MAGI2: variants seen among roughly 807,000 people sequenced by gnomAD.
MAGI2 encodes the protein membrane associated guanylate kinase, WW and PDZ domain containing 2.
MAGI2 carries 35 observed loss-of-function variants against 133.3 expected under a neutral mutation model. The ratio of observed to expected loss-of-function variants is 0.26; its 90% CI spans 0.20 to 0.35. MAGI2 has a LOEUF of 0.35. MAGI2 is among the 10% of genes least tolerant of loss of function. MAGI2 has a pLI of 1.00. For missense variants in MAGI2, 1,636 were observed against 1,863.4 expected, an observed-to-expected ratio of 0.88 and a Z score of 2.25; for synonymous variants, 729 against 710.6, an observed-to-expected ratio of 1.03 and a Z score of -0.41.
chr7:79,171,770 A>ATATATATTT, intron 1 of MAGI2, among the ~76,000 whole-genome samples: 25 of 31,220 alleles, frequency 8.0e-4, no homozygotes, highest in African/African-American at 1.5e-3. Context: ...ATATATATAT[A>ATATATATTT]TTTTTTTTTT....
chr7:78,673,706 G>C (rs931773048), intron 2 of MAGI2, among the ~76,000 whole-genome samples: 3 of 152,038 alleles, frequency 2.0e-5, no homozygotes, highest in Admixed American at 6.6e-5. Flanking sequence ...CGGCGGGGAG[G>C]GGGGCAGGCG....
chr7:78,666,673 A>G (rs1213086374), intron 2 of MAGI2, among the ~76,000 whole-genome samples: 1 of 152,216 alleles, frequency 6.6e-6, no homozygotes, highest in African/African-American at 2.4e-5. Flanking sequence ...CATCCAAAGT[A>G]TGAGGGAACT....
intron 3 of MAGI2, among the ~76,000 whole-genome samples, chr7:78,581,928 G>C (rs1584730310): frequency 6.6e-6 from 1 of 152,274 alleles, no homozygotes; most frequent in East Asian, 1.9e-4. Flanking sequence ...GCCTTCAGAA[G>C]TAAGGACATT....
chr7:78,127,293 G>A lies in MAGI2; in HGVS notation c.3327C>T (p.Pro1109=). 6.2e-7 allele frequency: 1 copy of A among 1,608,054 alleles called. No individual in the cohort carries two copies. Among genetic ancestry groups the A allele is most frequent in the Non-Finnish European group, 8.5e-7 (1 of 1,175,898 alleles). Residue 1109 remains proline (P), a synonymous_variant, in exon 19 of 22, where the codon CCC becomes CCT. Transcript: ENST00000354212. Reference sequence around the variant, plus strand: ...GAGGCTGCCTGTAGTCCAAGGGTGGGGGCTGCTGGTAGTCCCCTCCTGGGG... The same window carrying A: ...GAGGCTGCCTGTAGTCCAAGGGTGGAGGCTGCTGGTAGTCCCCTCCTGGGG... ...RQPPGGDYQQ[P]PPLDYRQPPL...
At chr7:78,735,259 GAA>G (rs1821738438) in intron 2 of MAGI2, among the ~76,000 whole-genome samples, 1 of 152,032 alleles carries the variant, frequency 6.6e-6, no homozygotes, top group Admixed American at 6.6e-5. Flanking sequence ...CCTTGTAAGA[GAA>G]AGACAAGTCA....
At chr7:78,862,992 T>C (rs113094889) in intron 2 of MAGI2, among the ~76,000 whole-genome samples, 1 of 152,256 alleles carries the variant, frequency 6.6e-6, no homozygotes, top group Non-Finnish European at 1.5e-5. Context: ...AACTGTAAAG[T>C]GTTTGCAGTC....
At chr7:78,381,894 C>A (rs1794954279) in intron 6 of MAGI2, among the ~76,000 whole-genome samples, 1 of 152,200 alleles carries the variant, frequency 6.6e-6, no homozygotes, top group Non-Finnish European at 1.5e-5. Context: ...CAGTAGCTAA[C>A]ATAACCAGAT....
chr7:79,395,500 G>T (rs948405729), intron 1 of MAGI2, among the ~76,000 whole-genome samples: 40 of 152,166 alleles, frequency 2.6e-4, no homozygotes, highest in African/African-American at 8.7e-4. Context: ...GTGTCTAGTG[G>T]TTTGACTTCT....
intron 3 of MAGI2, among the ~76,000 whole-genome samples, chr7:78,544,948 C>A (rs140662583): frequency 1.3e-5 from 2 of 151,658 alleles, no homozygotes; most frequent in East Asian, 1.9e-4. Flanking sequence ...CGTGAGCCAC[C>A]GCACCTGGCC....
chr7:78,079,570 C>G (rs1390404477), intron 20 of MAGI2, among the ~76,000 whole-genome samples: 1 of 152,120 alleles, frequency 6.6e-6, no homozygotes. Flanking sequence ...TTGTATGTAT[C>G]ATTTAAATTT....
At chr7:78,481,667 C>A (rs1350776785) in intron 6 of MAGI2, among the ~76,000 whole-genome samples, 3 of 151,660 alleles carry the variant, frequency 2.0e-5, no homozygotes, top group Non-Finnish European at 4.4e-5. Flanking sequence ...AGAAGAATAG[C>A]CTTTTCAACA....
intron 7 of MAGI2, among the ~76,000 whole-genome samples, chr7:78,366,016 G>A (rs963305448): frequency 2.6e-5 from 4 of 152,140 alleles, no homozygotes; most frequent in East Asian, 1.9e-4. Flanking sequence ...GTCCATGCAC[G>A]TAAGCTTTTT....
intron 1 of MAGI2, among the ~76,000 whole-genome samples, chr7:79,099,643 G>A (rs981352424): frequency 1.3e-5 from 2 of 151,892 alleles, no homozygotes; most frequent in Non-Finnish European, 2.9e-5. Flanking sequence ...TCACCCTTAA[G>A]TAGGTCCCAT....
intron 4 of MAGI2, among the ~76,000 whole-genome samples, chr7:78,515,831 G>C (rs946062726): frequency 6.6e-6 from 1 of 150,888 alleles, no homozygotes; most frequent in East Asian, 2.0e-4. Flanking sequence ...CACGGGAAGC[G>C]GAGGTTTTGG....
intron 1 of MAGI2, among the ~76,000 whole-genome samples, chr7:79,207,600 G>T (rs943113841): frequency 3.3e-5 from 5 of 151,800 alleles, no homozygotes; most frequent in Admixed American, 6.6e-5. Context: ...TCTATGGATT[G>T]GAAGAATCAA....
At chr7:79,139,579 G>T (rs1361727757) in intron 1 of MAGI2, among the ~76,000 whole-genome samples, 1 of 152,166 alleles carries the variant, frequency 6.6e-6, no homozygotes, top group African/African-American at 2.4e-5. Context: ...AGACAAATGG[G>T]AGGTTGTATT....
intron 6 of MAGI2, among the ~76,000 whole-genome samples, chr7:78,426,743 T>C (rs1799319116): frequency 6.6e-6 from 1 of 152,256 alleles, no homozygotes; most frequent in African/African-American, 2.4e-5. Flanking sequence ...AATCCAAATT[T>C]GGTGAAAAAC....
chr7:78,511,070 C>A (rs984772957), intron 4 of MAGI2, among the ~76,000 whole-genome samples: 2 of 152,054 alleles, frequency 1.3e-5, no homozygotes, highest in Non-Finnish European at 2.9e-5. Context: ...TTATATTGAT[C>A]TAAGGTTTTA....
chr7:78,459,077 A>G (rs1487409298), intron 6 of MAGI2, among the ~76,000 whole-genome samples: 1 of 152,252 alleles, frequency 6.6e-6, no homozygotes, highest in Non-Finnish European at 1.5e-5. Context: ...TGCACTTTTT[A>G]AACAGTAAAA....
Sources: allele counts gnomAD v4.1 joint callset (sites outside exome capture counted in the v4.1 genomes callset), GRCh38; gene constraint gnomAD v4.1.1; transcripts MANE v1.5; gene names NCBI Gene and HGNC (gene_info 2026-07-23, HGNC 2026-07-21).